The following ARHGAP45 variants were observed in gnomAD, a reference collection of about 807,000 sequenced individuals.
ARHGAP45 encodes Rho GTPase activating protein 45.
ARHGAP45 carries 56 observed loss-of-function variants against 116.1 expected under a neutral mutation model. That is an observed-to-expected ratio of 0.48 (90% confidence interval 0.39 to 0.60). The LOEUF is 0.60. Ranked by LOEUF, ARHGAP45 falls within the 20% of genes least tolerant of loss-of-function variation. The pLI, the probability that ARHGAP45 is intolerant of heterozygous loss-of-function variation, is 0.00. For synonymous variants in ARHGAP45, 866 were observed against 701.7 expected (o/e 1.23, Z -3.70); for missense variants, 1,622 against 1,601.0 (o/e 1.01, Z -0.22).
chr19:1,080,601 C>G, intron 15 of ARHGAP45, 54 bp downstream of exon 15: 1 of 1,607,330 alleles, frequency 6.2e-7, no homozygotes, highest in South Asian at 1.1e-5. Context: ...TCTCCTGAGC[C>G]TCAGGGTTTC....
rs766880042 is a variant in ARHGAP45, at chr19:1,085,973, C to G, written c.3378C>G (p.Gly1126=). 3 of 1,612,740 alleles carry G rather than the reference C, an allele frequency of 1.9e-6. 1 individual carries two copies. The South Asian group carries it at 3.3e-5, about 18-fold the overall frequency. The change falls in exon 23 of 23, where the codon GGC becomes GGG. Residue 1126 remains glycine, a synonymous_variant. Transcript: ENST00000313093. ...TCCGTGGCGGGCGGATGACACTGGG[C>G]TCCTGCAGGGAAAGGCAGCCGGAAT... ...MRLRGGRMTL[G]SCRERQPEFV
At position 1,075,154 on chromosome 19, in the gene ARHGAP45, C is replaced by T. The variant is rs151263106; in HGVS notation, c.1185+275C>T. Among the ~76,000 whole-genome samples the T allele has an allele frequency of 3.3e-5, 5 of 151,836 alleles. No individual in the cohort carries two copies. The East Asian group carries it at 9.7e-4, about 29-fold the overall frequency. On this transcript the variant is annotated intron_variant, in intron 10 of 22. Transcript: ENST00000313093. ...AAATGGGGAGAAGCCGTGCCTCCCT[C>T]GGTTGTAAGCAGCTGGTCTCCGGGT...
upstream of ARHGAP45, chr19:1,066,160 C>T (rs902554568): frequency 4.6e-6 from 7 of 1,533,474 alleles, no homozygotes; most frequent in Admixed American, 2.0e-5. Context: ...CCCTCCCACC[C>T]GAGGTAGGTG....
intron 10 of ARHGAP45, among the ~76,000 whole-genome samples, chr19:1,075,863 C>T (rs937545037): frequency 6.6e-6 from 1 of 152,176 alleles, no homozygotes; most frequent in African/African-American, 2.4e-5. Context: ...TGCAGTGAAA[C>T]GCACCCTCCT....
chr19:1,081,476 T>G, intron 17 of ARHGAP45, 74 bp from the exon 18 acceptor site: 10 of 1,358,390 alleles, frequency 7.4e-6, no homozygotes, highest in Non-Finnish European at 9.7e-6. Context: ...CCCGGGGAGG[T>G]GGGGTGGAGC....
chr19:1,083,402 A>T (rs1215209218), intron 21 of ARHGAP45, 49 bp downstream of exon 21: 2 of 1,465,472 alleles, frequency 1.4e-6, no homozygotes, highest in Non-Finnish European at 1.8e-6. Flanking sequence ...CTTGGGGAGC[A>T]GGGGGCGCTG....
intron 11 of ARHGAP45, 74 bp from the exon 12 acceptor site, chr19:1,079,629 C>T (rs1229083556): frequency 1.3e-6 from 2 of 1,544,730 alleles, no homozygotes; most frequent in Non-Finnish European, 1.8e-6. Flanking sequence ...GTCAGCCCCG[C>T]CTCCCTGAGG....
rs2240051 is a variant in ARHGAP45, at chr19:1,076,684, A to G, written c.1186-1173A>G. Among the ~76,000 whole-genome samples the G allele has an allele frequency of 0.38, 56,841 of 151,184 alleles. 10,636 individuals are homozygous for G. The highest frequency in any genetic ancestry group is 0.41 in the Admixed American group (6,174 of 15,176). The stretch of plus-strand genomic sequence containing the variant: ...GCTAATTTTTGTATTTTTAGTAGAG[A>G]TGGGGTTTCACCACCTTGGCCAGGC... On this transcript the variant is annotated intron_variant, in intron 10 of 22. Coordinates refer to ENST00000313093, the MANE Select transcript of ARHGAP45 (RefSeq NM_012292.5).
chr19:1,078,523 C>T (rs2043332778), intron 11 of ARHGAP45, among the ~76,000 whole-genome samples: 1 of 149,582 alleles, frequency 6.7e-6, no homozygotes, highest in Admixed American at 6.7e-5. Flanking sequence ...ACCTCCGCCT[C>T]CCAGGTTCAC....
At chr19:1,082,301 T>TA (rs2043463923) in intron 19 of ARHGAP45, among the ~76,000 whole-genome samples, 1 of 116,470 alleles carries the variant, frequency 8.6e-6, no homozygotes, top group Non-Finnish European at 1.9e-5. Context: ...CGGGGCTCGG[T>TA]GGGGCGTGGC....
chr19:1,067,703 C>T (rs1276518204), intron 1 of ARHGAP45: 2 of 703,648 alleles, frequency 2.8e-6, no homozygotes, highest in Non-Finnish European at 5.2e-6. Context: ...GTGGCCGCCT[C>T]CCTCCACTCC....
At position 1,080,446 on chromosome 19, in the gene ARHGAP45, A is replaced by G; in HGVS notation, c.1829-18A>G. ...GCGACCCACCCTGGCCCTTCACCAG[A>G]GACGCCTCTTTCTCCAGCCGGGCGA... is the stretch of plus-strand genomic sequence containing the variant. On this transcript the variant is annotated intron_variant, in intron 14 of 22. Transcript: ENST00000313093. 1 of 1,612,340 alleles carries G rather than the reference A, an allele frequency of 6.2e-7. No individual in the cohort carries two copies. The highest frequency in any genetic ancestry group is 1.3e-5 in the African/African-American group (1 of 74,998).
Position 1,071,122 on chromosome 19 carries a change from C to A in ARHGAP45, c.422-2027C>A. Reference sequence around the variant, plus strand: ...CGACCCTCCCCACCTCGAAGCTCTGCGGTTAAGGAAGGACCCAGGCTGGGG... The same window carrying A: ...CGACCCTCCCCACCTCGAAGCTCTGAGGTTAAGGAAGGACCCAGGCTGGGG... On this transcript the variant is annotated intron_variant, in intron 2 of 22. Coordinates refer to ENST00000313093, the MANE Select transcript of ARHGAP45 (RefSeq NM_012292.5). This position sits in a 1 kb window ranked among gnomAD's most constrained non-coding sequence, Gnocchi z 4.6. The A allele has an allele frequency of 8.5e-7, 1 of 1,179,744 alleles. No individual in the cohort carries two copies. The highest frequency in any genetic ancestry group is 1.1e-6 in the Non-Finnish European group (1 of 919,530). 73.1% of individuals were successfully genotyped at this position (1,179,744 alleles called of 1,614,324 possible).
Position 1,081,667 on chromosome 19 carries a change from G to C in ARHGAP45, c.2308G>C (p.Ala770Pro). 1 of 1,583,036 alleles carries C rather than the reference G, an allele frequency of 6.3e-7. No homozygotes were observed. The highest frequency in any genetic ancestry group is 8.6e-7 in the Non-Finnish European group (1 of 1,165,358). ...GQDFSHAARSAPDGVPFIVKK... is the reference protein window; with the variant it reads ...GQDFSHAARSPPDGVPFIVKK... ...GGACTTCAGCCACGCGGCCCGCAGC[G>C]CCCCCGACGGCGTGCCCTTCATCGT... Residue 770 changes from alanine (A) to proline (P), a missense_variant, in exon 18 of 23, where the codon GCC becomes CCC. Coordinates refer to ENST00000313093, the MANE Select transcript of ARHGAP45 (RefSeq NM_012292.5).
chr19:1,075,969 T>C (rs1167816433), intron 10 of ARHGAP45, among the ~76,000 whole-genome samples: 2 of 152,178 alleles, frequency 1.3e-5, no homozygotes, highest in African/African-American at 4.8e-5. Flanking sequence ...CTGATTTTTA[T>C]CCTCACCTCC....
In ARHGAP45 at chr19:1,074,359, G is replaced by A. The variant is rs569021641; in HGVS notation, c.945G>A (p.Lys315=). 11 of 1,607,472 alleles carry A rather than the reference G, an allele frequency of 6.8e-6. No homozygotes were observed. The highest frequency in any genetic ancestry group is 2.2e-5 in the South Asian group (2 of 90,402). ...GGCCCGCAGAGATGGAGTTTGCCAA[G>A]GGCCTGCAGAAGATCGCTCACAACT... ...KRTTLEMEFA[K]GLQKIAHNCR... is the part of the protein sequence containing the mutation. The change falls in exon 8 of 23, where the codon AAG becomes AAA. Residue 315 remains lysine, a synonymous_variant. Coordinates refer to ENST00000313093, the MANE Select transcript of ARHGAP45 (RefSeq NM_012292.5).
chr19:1,083,075 C>T lies in ARHGAP45; in HGVS notation c.2744+9C>T, dbSNP rs543965299. ...CTGCGTCACCTACGCAGGTGAGTCC[C>T]GGCATATGGAGTGGAGGGCGCGGGG... On this transcript the variant is annotated intron_variant, in intron 20 of 22. Coordinates refer to ENST00000313093, the MANE Select transcript of ARHGAP45 (RefSeq NM_012292.5). 7 of 1,554,610 alleles carry T rather than the reference C, an allele frequency of 4.5e-6. No individual in the cohort carries two copies. The Admixed American group carries it at 5.6e-5, about 12-fold the overall frequency.
Position 1,068,710 on chromosome 19 carries a change from C to A in ARHGAP45, c.387C>A (p.Gly129=). The change falls in exon 2 of 23, where the codon GGC becomes GGA. Residue 129 remains glycine, a synonymous_variant. Transcript: ENST00000313093. The surrounding 1 kb of genome is among the most constrained non-coding windows in gnomAD (Gnocchi z 7.5). ...CGGACGTGGCCCGCTTCGCTGAGGG[C>A]CTTGAGAAACTTAAGGAGTGTGTGT... ...LLADVARFAE[G]LEKLKECVLR... is the part of the protein sequence containing the mutation. 1 of 1,612,576 alleles carries A rather than the reference C, an allele frequency of 6.2e-7. No homozygotes were observed. Among genetic ancestry groups the A allele is most frequent in the South Asian group, 1.1e-5 (1 of 91,074 alleles).
At chr19:1,073,857 T>C (rs1337984809) in intron 5 of ARHGAP45, 91 bp from the exon 6 acceptor site, 10 of 1,532,136 alleles carry the variant, frequency 6.5e-6, no homozygotes, top group Non-Finnish European at 8.8e-6. Context: ...TTGGTTTCCC[T>C]CTCTGGGGGA....
Sources: allele counts gnomAD v4.1 joint callset (sites outside exome capture counted in the v4.1 genomes callset), GRCh38; gene constraint gnomAD v4.1.1; non-coding constraint Gnocchi (gnomAD v3.1); transcripts MANE v1.5; gene names NCBI Gene and HGNC (gene_info 2026-07-23, HGNC 2026-07-21).